Variants in DMD observed in about 807,000 individuals in gnomAD.
DMD encodes the protein dystrophin, also known as mutant dystrophin.
DMD carries 63 observed loss-of-function variants against 330.1 expected under a neutral mutation model. That is an observed-to-expected ratio of 0.19 (90% CI 0.16 to 0.24). The LOEUF is 0.24. Ranked by LOEUF, DMD falls within the 10% of genes least tolerant of loss-of-function variation. The pLI, the probability that DMD is intolerant of heterozygous loss-of-function variation, is 1.00. For missense variants in DMD, 3,344 were observed against 2,684.1 expected (o/e 1.25, Z -5.43); for synonymous variants, 1,223 against 959.8 (o/e 1.27, Z -5.07).
chrX:32,679,363 T>C (rs1431639606), intron 9 of DMD, among the ~76,000 whole-genome samples: 2 of 110,712 alleles, frequency 1.8e-5, no homozygotes, highest in Non-Finnish European at 3.8e-5. Flanking sequence ...AAAGATAGAC[T>C]GGCTTGTTCT....
chrX:31,962,488 C>A (rs1431206413), intron 45 of DMD, among the ~76,000 whole-genome samples: 1 of 111,634 alleles, frequency 9.0e-6, no homozygotes, highest in Non-Finnish European at 1.9e-5. Context: ...CATTTCTTAG[C>A]AACTCCCAGG....
At chrX:31,947,352 T>A (rs991774817) in intron 45 of DMD, among the ~76,000 whole-genome samples, 1 of 112,182 alleles carries the variant, frequency 8.9e-6, no homozygotes, top group African/African-American at 3.2e-5. Flanking sequence ...CTTGAACTCC[T>A]GGCCTCAAGC....
At chrX:31,986,567 C>T (rs1405870369) in intron 44 of DMD, among the ~76,000 whole-genome samples, 4 of 111,068 alleles carry the variant, frequency 3.6e-5, no homozygotes, top group Admixed American at 9.5e-5. Context: ...CACACACCAC[C>T]ATGCTCAGCT....
chrX:32,458,265 G>C (rs748341389), intron 25 of DMD, among the ~76,000 whole-genome samples: 7 of 110,996 alleles, frequency 6.3e-5, no homozygotes, highest in Non-Finnish European at 1.3e-4. Context: ...ATTTGACCGC[G>C]TGTGTCTGGT....
At chrX:33,300,603 C>T (rs988790873) in intron 1 of DMD, among the ~76,000 whole-genome samples, 11 of 111,611 alleles carry the variant, frequency 9.9e-5, no homozygotes, top group African/African-American at 3.6e-4. Flanking sequence ...TTTATTGGGT[C>T]ATGAGGGCTC....
chrX:32,746,862 C>CT (rs751664999), intron 7 of DMD, among the ~76,000 whole-genome samples: 2 of 111,209 alleles, frequency 1.8e-5, no homozygotes, highest in South Asian at 3.8e-4. Context: ...CCTCCCTCTC[C>CT]TCCCTCTTAC....
intron 44 of DMD, among the ~76,000 whole-genome samples, chrX:32,124,695 A>G (rs2096653230): frequency 9.0e-6 from 1 of 111,660 alleles, no homozygotes. Flanking sequence ...AAATCCTCAC[A>G]CAAATAACAT....
chrX:31,325,426 G>A (rs1314599615), intron 61 of DMD, among the ~76,000 whole-genome samples: 8 of 85,140 alleles, frequency 9.4e-5, no homozygotes, highest in Non-Finnish European at 1.7e-4. Context: ...ATGAGGAAAC[G>A]CTATCTCTAC....
chrX:31,913,957 G>A (rs772177495), intron 47 of DMD, among the ~76,000 whole-genome samples: 4 of 111,837 alleles, frequency 3.6e-5, no homozygotes, highest in Admixed American at 1.9e-4. Flanking sequence ...TCTGGACTGC[G>A]TCAGATCCAC....
rs533212955 is a variant in DMD at position 32,322,423 on chromosome X, C to A, written c.5923-12147G>T. ...ACAAATGTTTTAAAAATTAGCCAGT[C>A]ATGGTACTGATGGCCTGTAGTCCCA... On this transcript the variant is annotated intron_variant, in intron 41 of 78. Transcript: ENST00000357033. Among the ~76,000 whole-genome samples, 18 of 110,320 alleles carry A rather than the reference C, an allele frequency of 1.6e-4. No individual in the cohort carries two copies. The South Asian group carries it at 5.1e-3, about 31-fold the overall frequency.
intron 7 of DMD, among the ~76,000 whole-genome samples, chrX:32,751,916 C>A (rs774026635): frequency 2.7e-5 from 3 of 112,729 alleles, no homozygotes; most frequent in African/African-American, 9.7e-5. Context: ...GCAGCTTCCA[C>A]GTCGTGTTGA....
At chrX:33,094,807 C>CAAA (rs199716276) in intron 1 of DMD, among the ~76,000 whole-genome samples, 1 of 60,050 alleles carries the variant, frequency 1.7e-5, no homozygotes, top group Admixed American at 1.8e-4. Flanking sequence ...GACTCCATCT[C>CAAA]AAAAAAAAAA....
At chrX:31,258,299 C>G (rs757882770) in intron 63 of DMD, among the ~76,000 whole-genome samples, 6 of 112,519 alleles carry the variant, frequency 5.3e-5, no homozygotes, top group Non-Finnish European at 9.4e-5. Flanking sequence ...TTGATACCAT[C>G]CACCATGCAG....
intron 1 of DMD, among the ~76,000 whole-genome samples, chrX:33,173,785 TTA>T (rs2049490848): frequency 9.0e-6 from 1 of 110,849 alleles, no homozygotes; most frequent in Admixed American, 9.7e-5. Flanking sequence ...GTTTCTGTTA[TTA>T]TGTCATATAA....
Position 32,699,813 on chromosome X carries a change from C to T in DMD, c.650-520G>A, listed in dbSNP as rs183595980. Among the ~76,000 whole-genome samples, 208 of 111,416 alleles carry T rather than the reference C, an allele frequency of 1.9e-3. 2 individuals are homozygous for T. Among genetic ancestry groups the T allele is most frequent in the African/African-American group, 6.5e-3 (201 of 30,764 alleles). On this transcript the variant is annotated intron_variant, in intron 7 of 78. Transcript: ENST00000357033. Reference sequence around the variant, plus strand: ...TCTCTGCTGAAATGAGTCATGTATCCACAATATAAATTAAACAGAAAAATA... The same window carrying T: ...TCTCTGCTGAAATGAGTCATGTATCTACAATATAAATTAAACAGAAAAATA...
chrX:31,754,583 T>C (rs776277506), intron 51 of DMD, among the ~76,000 whole-genome samples: 1 of 111,099 alleles, frequency 9.0e-6, no homozygotes, highest in Non-Finnish European at 1.9e-5. Flanking sequence ...AAAACGAATG[T>C]ATTACCCCCA....
At chrX:31,283,635 G>A (rs1037675618) in intron 62 of DMD, among the ~76,000 whole-genome samples, 2 of 111,071 alleles carry the variant, frequency 1.8e-5, no homozygotes, top group East Asian at 2.8e-4. Context: ...GACCATAAAC[G>A]TTATGTTGAG....
At chrX:33,082,314 T>C (rs1376152853) in intron 1 of DMD, among the ~76,000 whole-genome samples, 1 of 112,204 alleles carries the variant, frequency 8.9e-6, no homozygotes, top group African/African-American at 3.2e-5. Context: ...GGACAATATT[T>C]TTAGCTTCTG....
chrX:32,444,265 A>G (rs1195689998), intron 27 of DMD, among the ~76,000 whole-genome samples: 1 of 110,528 alleles, frequency 9.0e-6, no homozygotes, highest in Non-Finnish European at 1.9e-5. Flanking sequence ...AGATCCACCC[A>G]TAACAAACGG....
Sources: gnomAD v4.1 joint callset for allele counts (sites outside exome capture counted in the v4.1 genomes callset) on GRCh38, gnomAD v4.1.1 for gene constraint, MANE v1.5 for transcripts, NCBI Gene and HGNC (gene_info 2026-07-23, HGNC 2026-07-21) for gene names.